The following ERBB4 variants were observed in gnomAD, a reference collection of about 807,000 sequenced individuals.
ERBB4 encodes the protein erb-b2 receptor tyrosine kinase 4, also known as receptor tyrosine-protein kinase erbB-4.
A neutral mutation model predicts 158.0 loss-of-function variants in ERBB4; 42 were observed. The ratio of observed to expected loss-of-function variants is 0.27; its 90% CI spans 0.21 to 0.34. The LOEUF (loss-of-function observed/expected upper bound fraction) is 0.34. Among genes scored for constraint, ERBB4 ranks in the 10% least tolerant of loss-of-function variants. ERBB4 has a pLI of 1.00. For synonymous variants in ERBB4, 583 were observed against 558.7 expected, an observed-to-expected ratio of 1.04 and a Z score of -0.61; for missense variants, 1,333 against 1,624.1, an observed-to-expected ratio of 0.82 and a Z score of 3.08.
intron 2 of ERBB4, among the ~76,000 whole-genome samples, chr2:212,065,442 T>C (rs543083110): frequency 1.2e-4 from 18 of 152,130 alleles, no homozygotes; most frequent in African/African-American, 3.9e-4. Flanking sequence ...GTGTAAACAA[T>C]AGTATTTATA....
At chr2:211,407,792 T>C (rs1341868842) in intron 25 of ERBB4, among the ~76,000 whole-genome samples, 1 of 152,180 alleles carries the variant, frequency 6.6e-6, no homozygotes, top group Non-Finnish European at 1.5e-5. Context: ...GAACTTTTCA[T>C]TTGGGCAGGT....
intron 17 of ERBB4, among the ~76,000 whole-genome samples, chr2:211,629,160 C>T (rs916363635): frequency 6.6e-6 from 1 of 151,978 alleles, no homozygotes; most frequent in Non-Finnish European, 1.5e-5. Context: ...CATATCAGCC[C>T]CCAAATCTCC....
intron 1 of ERBB4, among the ~76,000 whole-genome samples, chr2:212,193,562 C>A (rs1227272351): frequency 6.6e-6 from 1 of 151,604 alleles, no homozygotes; most frequent in Non-Finnish European, 1.5e-5. Context: ...TACATTAAAC[C>A]AAACAGAAAG....
chr2:212,266,779 G>C (rs1452663744), intron 1 of ERBB4, among the ~76,000 whole-genome samples: 1 of 151,776 alleles, frequency 6.6e-6, no homozygotes, highest in East Asian at 1.9e-4. Context: ...AAATTAGAAT[G>C]ACTGCTAAAT....
At chr2:211,595,775 T>A (rs1424954457) in intron 19 of ERBB4, among the ~76,000 whole-genome samples, 1 of 152,212 alleles carries the variant, frequency 6.6e-6, no homozygotes, top group Admixed American at 6.5e-5. Context: ...AATATAGTAT[T>A]GCTGAGAAGC....
chr2:211,567,289 G>C (rs984619797), intron 19 of ERBB4, among the ~76,000 whole-genome samples: 2 of 152,138 alleles, frequency 1.3e-5, no homozygotes, highest in Admixed American at 1.3e-4. Flanking sequence ...ATATTACAGT[G>C]TCAATCTTTA....
At chr2:211,396,049 G>A (rs936846071) in intron 25 of ERBB4, among the ~76,000 whole-genome samples, 1 of 151,652 alleles carries the variant, frequency 6.6e-6, no homozygotes, top group Non-Finnish European at 1.5e-5. Context: ...CTTTGAATTT[G>A]AATGCCATAA....
chr2:212,175,213 G>A (rs138321249), intron 1 of ERBB4, among the ~76,000 whole-genome samples: 1 of 152,120 alleles, frequency 6.6e-6, no homozygotes, highest in African/African-American at 2.4e-5. Context: ...CATATCACCA[G>A]CAGTCAGGAT....
In ERBB4 at chr2:211,832,488, C is replaced by T. The variant is rs1474808917; in HGVS notation, c.422-44329G>A. On this transcript the variant is annotated intron_variant, in intron 3 of 27. Coordinates refer to ENST00000342788, the MANE Select transcript of ERBB4 (RefSeq NM_005235.3). Reference sequence around the variant, plus strand: ...GATTTATCTTTTAAAATATTTTAGACATAATGCATTAAAGATAAAAACTCT... The same window carrying T: ...GATTTATCTTTTAAAATATTTTAGATATAATGCATTAAAGATAAAAACTCT... 2.6e-5 allele frequency among the ~76,000 whole-genome samples: 4 copies of T among 151,726 alleles called. No individual in the cohort carries two copies. In the South Asian group the frequency reaches 6.2e-4, roughly 24 times the overall value.
chr2:211,628,504 A>AT (rs1192042663), intron 17 of ERBB4, among the ~76,000 whole-genome samples: 2 of 152,102 alleles, frequency 1.3e-5, no homozygotes, highest in Non-Finnish European at 1.5e-5. Flanking sequence ...TGAACTCATC[A>AT]TTTTTTATGG....
intron 3 of ERBB4, among the ~76,000 whole-genome samples, chr2:211,799,979 T>G (rs1300845250): frequency 6.6e-6 from 1 of 152,208 alleles, no homozygotes; most frequent in African/African-American, 2.4e-5. Flanking sequence ...CCCACTTTTA[T>G]GAGTTTCACA....
chr2:212,010,078 G>A (rs553484987), intron 2 of ERBB4, among the ~76,000 whole-genome samples: 1 of 152,118 alleles, frequency 6.6e-6, no homozygotes, highest in African/African-American at 2.4e-5. Flanking sequence ...GCCCCAACAT[G>A]TTTTTCCAGC....
At chr2:212,096,101 T>C (rs1301713485) in intron 2 of ERBB4, among the ~76,000 whole-genome samples, 1 of 151,934 alleles carries the variant, frequency 6.6e-6, no homozygotes, top group Non-Finnish European at 1.5e-5. Context: ...CTGCAAACAA[T>C]GTCATAGTTT....
chr2:211,992,567 G>GA (rs780595071), intron 2 of ERBB4, among the ~76,000 whole-genome samples: 1,602 of 125,136 alleles, frequency 0.013, 26 homozygotes, highest in African/African-American at 0.028. Flanking sequence ...GAGAGAGAGA[G>GA]AAAAAAAAAA....
At chr2:211,573,348 T>C (rs952921551) in intron 19 of ERBB4, among the ~76,000 whole-genome samples, 31 of 152,058 alleles carry the variant, frequency 2.0e-4, no homozygotes, top group African/African-American at 7.2e-4. Context: ...TATATTTCTG[T>C]TATTGTAAGT....
intron 2 of ERBB4, among the ~76,000 whole-genome samples, chr2:212,099,184 T>TAATA (rs1553557370): frequency 1.5e-5 from 2 of 131,668 alleles, no homozygotes; most frequent in African/African-American, 2.7e-5. Flanking sequence ...AATAAATAAA[T>TAATA]AATAAATAAT....
intron 1 of ERBB4, among the ~76,000 whole-genome samples, chr2:212,444,184 G>C (rs1336647418): frequency 3.9e-5 from 6 of 152,144 alleles, no homozygotes; most frequent in Non-Finnish European, 8.8e-5. Context: ...GAAAAGACTA[G>C]GGCTTGGTTC....
chr2:211,530,776 G>C (rs10190795), intron 20 of ERBB4, among the ~76,000 whole-genome samples: 51,134 of 151,974 alleles, frequency 0.34, 9,800 homozygotes, highest in East Asian at 0.62. Flanking sequence ...TGTAGTTCCA[G>C]ATACTCAGGA....
intron 20 of ERBB4, among the ~76,000 whole-genome samples, chr2:211,557,477 A>C (rs1292113320): frequency 6.6e-6 from 1 of 152,226 alleles, no homozygotes; most frequent in Non-Finnish European, 1.5e-5. Flanking sequence ...ACTTTTCAAA[A>C]GAAGTCGTAC....
Sources: allele counts gnomAD v4.1 joint callset (sites outside exome capture counted in the v4.1 genomes callset), GRCh38; gene constraint gnomAD v4.1.1; transcripts MANE v1.5; gene names NCBI Gene and HGNC (gene_info 2026-07-23, HGNC 2026-07-21).